The following METTL9 variants were observed in gnomAD, a reference collection of about 807,000 sequenced individuals.
METTL9 encodes the protein protein-L-histidine N-pros-methyltransferase.
In METTL9, 10 loss-of-function variants were observed where a neutral mutation model predicts 36.0. The observed-to-expected ratio is 0.28, with a 90% CI of 0.17 to 0.47. METTL9 has a LOEUF of 0.47. Ranked by LOEUF, METTL9 falls within the 20% of genes least tolerant of loss-of-function variation. METTL9 has a pLI of 0.99. For missense variants in METTL9, 246 were observed against 383.5 expected (o/e 0.64, Z 3.00); for synonymous variants, 175 against 149.7 (o/e 1.17, Z -1.23).
chr16:21,633,038 A>C (rs1054894405), intron 4 of METTL9, among the ~76,000 whole-genome samples: 6 of 152,138 alleles, frequency 3.9e-5, no homozygotes, highest in African/African-American at 1.4e-4. Context: ...CTCCTCGATT[A>C]GAGTATAGAG....
In METTL9 at chr16:21,599,620, A is replaced by G. The variant is rs539247118; in HGVS notation, c.-114A>G. 51 of 1,333,302 alleles carry G rather than the reference A, an allele frequency of 3.8e-5. 1 individual carries two copies. Among genetic ancestry groups the G allele is most frequent in the Non-Finnish European group, 4.7e-5 (49 of 1,050,572 alleles). The allele number at this position is 1,333,302 out of a possible 1,614,324, so 82.6% of individuals were successfully genotyped here. ...TGCCCTGAAGGGGGCTGGATGGGCA[A>G]GGCGGCCGCGATGGCTCGAGCTCGG... On this transcript the variant is annotated 5_prime_UTR_variant, in exon 1 of 5. Transcript: ENST00000358154. The surrounding 1 kb of genome is among the most constrained non-coding windows in gnomAD (Gnocchi z 4.4).
intron 4 of METTL9, among the ~76,000 whole-genome samples, chr16:21,632,929 G>C (rs1415482923): frequency 6.6e-6 from 1 of 152,130 alleles, no homozygotes; most frequent in African/African-American, 2.4e-5. Context: ...CTGTGGGAAG[G>C]CTTAAAGTCA....
intron 1 of METTL9, among the ~76,000 whole-genome samples, chr16:21,608,273 T>C (rs567232408): frequency 6.6e-6 from 1 of 151,976 alleles, no homozygotes; most frequent in Non-Finnish European, 1.5e-5. Flanking sequence ...AAACCAGGAG[T>C]CCTGCCCATT....
At position 21,599,588 on chromosome 16, in the gene METTL9, C is replaced by A; in HGVS notation, c.-146C>A. ...CGCGCCGGCTGCTCCTCCCCACCCC[C>A]AGCCTTTGCCCTGAAGGGGGCTGGA... On this transcript the variant is annotated 5_prime_UTR_variant, in exon 1 of 5. Transcript: ENST00000358154. The surrounding 1 kb of genome is among the most constrained non-coding windows in gnomAD (Gnocchi z 4.4). 1 of 1,303,814 alleles carries A rather than the reference C, an allele frequency of 7.7e-7. No individual in the cohort carries two copies. Among genetic ancestry groups the A allele is most frequent in the South Asian group, 2.2e-5 (1 of 46,044 alleles). 80.8% of individuals were successfully genotyped at this position (1,303,814 alleles called of 1,614,324 possible).
At chr16:21,636,429 A>G (rs962925743) in intron 4 of METTL9, among the ~76,000 whole-genome samples, 1 of 152,190 alleles carries the variant, frequency 6.6e-6, no homozygotes, top group African/African-American at 2.4e-5. Flanking sequence ...CACCAGAGAC[A>G]GGGAGTGATT....
rs762001599 is a variant in METTL9, at chr16:21,657,367, C to G, written c.*1935C>G. 5 of 152,022 alleles carry G rather than the reference C, an allele frequency of 3.3e-5. No individual in the cohort carries two copies. Among genetic ancestry groups the G allele is most frequent in the Non-Finnish European group, 7.4e-5 (5 of 68,000 alleles). 9.4% of individuals were successfully genotyped at this position (152,022 alleles called of 1,614,324 possible). ...AATTCTTGGTGGTGTGTCACCATTC[C>G]ACTAGATGGCAGTGTTGCTTACTGA... On this transcript the variant is annotated 3_prime_UTR_variant, in exon 5 of 5. Coordinates refer to ENST00000358154, the MANE Select transcript of METTL9 (RefSeq NM_016025.5).
intron 4 of METTL9, 150 bp downstream of exon 4, chr16:21,625,265 C>T: frequency 1.2e-6 from 1 of 838,546 alleles, no homozygotes; most frequent in Non-Finnish European, 1.9e-6. Context: ...AAAACACCAT[C>T]TTGGTTAATG....
chr16:21,630,913 C>T (rs1965944009), intron 4 of METTL9, among the ~76,000 whole-genome samples: 1 of 152,092 alleles, frequency 6.6e-6, no homozygotes, highest in Non-Finnish European at 1.5e-5. Flanking sequence ...GAAGCCTTTT[C>T]CTGTAAACGC....
chr16:21,633,168 GTTCCTTGCTGAGGGCCCTCA>G (rs1966006980), intron 4 of METTL9, among the ~76,000 whole-genome samples: 5 of 152,220 alleles, frequency 3.3e-5, no homozygotes, highest in South Asian at 2.1e-4. Context: ...GGCTGTATTT[GTTCCTTGCTGAGGGCCCTCA>G]TTCCTTGCTG....
intron 4 of METTL9, among the ~76,000 whole-genome samples, chr16:21,633,331 C>G (rs1373316946): frequency 1.3e-5 from 2 of 152,178 alleles, no homozygotes; most frequent in African/African-American, 4.8e-5. Context: ...AGCCTGCTGG[C>G]ACGAGGCTTC....
At chr16:21,628,497 CTTTTT>C (rs973832418) in intron 4 of METTL9, among the ~76,000 whole-genome samples, 3 of 151,804 alleles carry the variant, frequency 2.0e-5, no homozygotes, top group Non-Finnish European at 4.4e-5. Flanking sequence ...TTCTTTCTTT[CTTTTT>C]CTTTCTTTTC....
chr16:21,608,008 G>T (rs1026265051), intron 1 of METTL9, among the ~76,000 whole-genome samples: 1 of 152,132 alleles, frequency 6.6e-6, no homozygotes, highest in African/African-American at 2.4e-5. Context: ...AATTAGCCAG[G>T]CGGGGTGGTA....
At chr16:21,623,087 G>C (rs1965743535) in intron 3 of METTL9, among the ~76,000 whole-genome samples, 1 of 152,024 alleles carries the variant, frequency 6.6e-6, no homozygotes, top group South Asian at 2.1e-4. Context: ...GAAACTCTTG[G>C]AATGAGCTAA....
chr16:21,648,361 G>A (rs910157356), intron 4 of METTL9, among the ~76,000 whole-genome samples: 4 of 152,180 alleles, frequency 2.6e-5, no homozygotes, highest in African/African-American at 9.7e-5. Flanking sequence ...CATGCAGTTA[G>A]TGTGACGTTC....
In METTL9 at chr16:21,612,708, C is replaced by T; in HGVS notation, c.229C>T (p.Leu77Phe). 1 of 1,609,856 alleles carries T rather than the reference C, an allele frequency of 6.2e-7. No individual in the cohort carries two copies. The highest frequency in any genetic ancestry group is 1.4e-5 in the African/African-American group (1 of 74,056). The change falls in exon 2 of 5, where the codon CTT (leucine) becomes TTT (phenylalanine). Residue 77 changes from leucine (L) to phenylalanine (F), a missense_variant. Physicochemically the swap from Leu to Phe is conservative, Grantham distance 22. Coordinates refer to ENST00000358154, the MANE Select transcript of METTL9 (RefSeq NM_016025.5). ...CCAGGCTGTCTTTGTTCAGAGTTAC[C>T]TTGATCAAGGAACACAGATCTTCTT... ...SLQAVFVQSY[L>F]DQGTQIFLNN...
chr16:21,627,175 C>A, intron 4 of METTL9: 4 of 985,366 alleles, frequency 4.1e-6, no homozygotes, highest in Non-Finnish European at 4.8e-6. Context: ...TAATTAGATC[C>A]TGATGATTTC....
At chr16:21,601,729 C>CTGTGTGTG (rs57264395) in intron 1 of METTL9, among the ~76,000 whole-genome samples, 84 of 145,826 alleles carry the variant, frequency 5.8e-4, no homozygotes, top group Admixed American at 1.0e-3. Context: ...TATTTATATT[C>CTGTGTGTG]TGTGTGTGTG....
Position 21,617,879 on chromosome 16 carries a change from G to A in METTL9, c.371G>A (p.Gly124Asp). The stretch of plus-strand genomic sequence containing the variant: ...TTTTCTTTCAGGTTGCTAGGAAGAG[G>A]CTCAATGTTTGTGTTTTCACCAGAT... ...RTSINGLLGRGSMFVFSPDQF... is the reference protein window; with the variant it reads ...RTSINGLLGRDSMFVFSPDQF... The change falls in exon 3 of 5, where the codon GGC (glycine) becomes GAC (aspartate). Residue 124 changes from glycine to aspartate, a missense_variant. Gly to Asp is a moderately conservative substitution (Grantham distance 94). Coordinates refer to ENST00000358154, the MANE Select transcript of METTL9 (RefSeq NM_016025.5). 6.2e-7 allele frequency: 1 copy of A among 1,613,868 alleles called. No individual in the cohort carries two copies. The highest frequency in any genetic ancestry group is 8.5e-7 in the Non-Finnish European group (1 of 1,179,944).
intron 4 of METTL9, among the ~76,000 whole-genome samples, chr16:21,643,876 C>G (rs1966345186): frequency 6.6e-6 from 1 of 152,058 alleles, no homozygotes; most frequent in African/African-American, 2.4e-5. Context: ...AACTTTAGCC[C>G]TTTTTGAAGA....
Sources: gnomAD v4.1 joint callset for allele counts (sites outside exome capture counted in the v4.1 genomes callset) on GRCh38, gnomAD v4.1.1 for gene constraint, Gnocchi (gnomAD v3.1) non-coding constraint, MANE v1.5 for transcripts, NCBI Gene and HGNC (gene_info 2026-07-23, HGNC 2026-07-21) for gene names.